Variants in CYP51A1 observed in about 807,000 individuals in gnomAD.
The protein encoded by CYP51A1 is cytochrome P450 family 51 subfamily A member 1, also known as lanosterol 14-alpha demethylase.
CYP51A1 carries 45 observed loss-of-function variants against 53.5 expected under a neutral mutation model. The ratio of observed to expected loss-of-function variants is 0.84; its 90% CI spans 0.66 to 1.08. CYP51A1 has a LOEUF of 1.08. Among genes scored for constraint, CYP51A1 ranks in the 50% least tolerant of loss-of-function variants. The pLI, the probability that CYP51A1 is intolerant of heterozygous loss-of-function variation, is 0.00. For missense variants in CYP51A1, 462 were observed against 621.7 expected, an observed-to-expected ratio of 0.74 and a Z score of 2.73; for synonymous variants, 181 against 217.7, an observed-to-expected ratio of 0.83 and a Z score of 1.48.
At chr7:92,118,057 T>C (rs1267169898) in intron 8 of CYP51A1, among the ~76,000 whole-genome samples, 1 of 152,066 alleles carries the variant, frequency 6.6e-6, no homozygotes, top group African/African-American at 2.4e-5. Context: ...TTAGAGTATA[T>C]AAAACTGAAG....
At chr7:92,123,607 G>A in intron 6 of CYP51A1, 127 bp downstream of exon 6, 1 of 899,642 alleles carries the variant, frequency 1.1e-6, no homozygotes. Flanking sequence ...AATTTAAAGA[G>A]TCCAAAGATC....
intron 7 of CYP51A1, among the ~76,000 whole-genome samples, chr7:92,119,893 G>A (rs1819654388): frequency 1.3e-5 from 2 of 151,858 alleles, no homozygotes; most frequent in African/African-American, 4.8e-5. Context: ...TAGTAAAATG[G>A]AGAATATCAA....
At chr7:92,129,791 A>T (rs1819881489) in intron 2 of CYP51A1, among the ~76,000 whole-genome samples, 1 of 152,192 alleles carries the variant, frequency 6.6e-6, no homozygotes, top group South Asian at 2.1e-4. Context: ...AAGGAAAGCA[A>T]CTCTGTGATG....
At chr7:92,131,093 C>T (rs891320363) in intron 2 of CYP51A1, among the ~76,000 whole-genome samples, 3 of 151,836 alleles carry the variant, frequency 2.0e-5, no homozygotes, top group Non-Finnish European at 4.4e-5. Flanking sequence ...GGACCCAAAG[C>T]GGAAAGAGGA....
rs372875744 is a variant in CYP51A1, at chr7:92,128,975, T to G, written c.373A>C (p.Asn125His). 3.3e-5 allele frequency: 53 copies of G among 1,613,648 alleles called. No homozygotes were observed. Among genetic ancestry groups the G allele is most frequent in the Non-Finnish European group, 4.4e-5 (52 of 1,179,908 alleles). The change falls in exon 3 of 10, where the codon AAT becomes CAT. Residue 125 changes from asparagine to histidine, a missense_variant. Physicochemically the swap from Asn to His is moderately conservative, Grantham distance 68. Transcript: ENST00000003100. ...GCATTCAGGTCTTCATTTTTACTAT[T>G]AAAAAGCAGTGCAGCAGCATCACTC... ...LGSDAAALLF[N>H]SKNEDLNAED...
At position 92,130,256 on chromosome 7, in the gene CYP51A1, TCTC is replaced by T. The variant is rs548747649; in HGVS notation, c.292-1203_292-1201del. The stretch of plus-strand genomic sequence containing the variant: ...TTGGTCCTATAGTCAGAGAACTTAG[TCTC>T]TCTGTGTTTCGTTTCTCTCACCTAT... On this transcript the variant is annotated intron_variant, in intron 2 of 9. Coordinates refer to ENST00000003100, the MANE Select transcript of CYP51A1 (RefSeq NM_000786.4). 2.1e-3 allele frequency among the ~76,000 whole-genome samples: 314 copies of T among 152,294 alleles called. 2 individuals carry two copies. Among genetic ancestry groups the T allele is most frequent in the Non-Finnish European group, 1.8e-3 (123 of 68,030 alleles).
At chr7:92,120,419 T>C (rs1819668169) in intron 7 of CYP51A1, among the ~76,000 whole-genome samples, 1 of 152,200 alleles carries the variant, frequency 6.6e-6, no homozygotes, top group Non-Finnish European at 1.5e-5. Flanking sequence ...AGTCCAGAAA[T>C]AAAGCCTTAA....
chr7:92,126,490 T>C, intron 4 of CYP51A1, 63 bp from the exon 5 acceptor site: 1 of 1,388,046 alleles, frequency 7.2e-7, no homozygotes, highest in African/African-American at 1.5e-5. Flanking sequence ...AATTGAGAAT[T>C]AAAAACAGAA....
intron 1 of CYP51A1, among the ~76,000 whole-genome samples, chr7:92,132,941 C>T (rs1819953899): frequency 6.6e-6 from 1 of 152,170 alleles, no homozygotes; most frequent in Non-Finnish European, 1.5e-5. Flanking sequence ...AGGAGCACCA[C>T]AACCTCACAG....
intron 7 of CYP51A1, among the ~76,000 whole-genome samples, chr7:92,119,104 C>G (rs1372415271): frequency 6.6e-6 from 1 of 152,124 alleles, no homozygotes; most frequent in African/African-American, 2.4e-5. Flanking sequence ...AGCCTAACAA[C>G]TATTAGAGGA....
chr7:92,118,787 A>G (rs535895053), intron 7 of CYP51A1, among the ~76,000 whole-genome samples, 172 bp from the exon 8 acceptor site: 25 of 152,268 alleles, frequency 1.6e-4, no homozygotes, highest in African/African-American at 5.8e-4. Context: ...CATGGTGAAA[A>G]AGGAGGGCAA....
intron 6 of CYP51A1, 137 bp from the exon 7 acceptor site, chr7:92,123,452 T>C (rs189964095): frequency 1.2e-6 from 1 of 840,390 alleles, no homozygotes. Flanking sequence ...AAGTCAAGAG[T>C]TTTTTTTCTC....
intron 8 of CYP51A1, 199 bp from the exon 9 acceptor site, chr7:92,117,411 T>A (rs1050673054): frequency 2.2e-6 from 1 of 456,078 alleles, no homozygotes; most frequent in Non-Finnish European, 3.8e-6. Context: ...CATCTGTACA[T>A]ATATTTAAAA....
Position 92,118,565 on chromosome 7 carries a change from A to G in CYP51A1, c.1137T>C (p.Leu379=), listed in dbSNP as rs372527790. The change falls in exon 8 of 10, where the codon CTT becomes CTC. Residue 379 remains leucine, a synonymous_variant. Coordinates refer to ENST00000003100, the MANE Select transcript of CYP51A1 (RefSeq NM_000786.4). The part of the protein sequence containing the change: ...LDRCIKETLR[L]RPPIMIMMRM... ...TCATCATGATCATTATAGGAGGTCT[A>G]AGTCTTAATGTTTCTTTTATACAGC... 8.7e-6 allele frequency: 14 copies of G among 1,601,400 alleles called. No homozygotes were observed. The East Asian group carries it at 2.9e-4, about 33-fold the overall frequency.
In CYP51A1 at chr7:92,123,307, C is replaced by T. The variant is rs768330653; in HGVS notation, c.899G>A (p.Arg300His). The T allele has an allele frequency of 3.0e-5, 48 of 1,612,222 alleles. No homozygotes were observed. Among genetic ancestry groups the T allele is most frequent in the Admixed American group, 1.5e-4 (9 of 59,802 alleles). ...TGCTACTTCATCATCAGTCAAAGGACGCCCATCCCTAAGGAATGAACCAAA... is the reference window on the plus strand; with the variant it reads ...TGCTACTTCATCATCAGTCAAAGGATGCCCATCCCTAAGGAATGAACCAAA... ...TLLDATYKDGRPLTDDEVAGM... is the reference protein window; with the variant it reads ...TLLDATYKDGHPLTDDEVAGM... The change falls in exon 7 of 10, where the codon CGT (arginine) becomes CAT (histidine). Residue 300 changes from arginine to histidine, a missense_variant. Physicochemically the swap from Arg to His is conservative, Grantham distance 29 (BLOSUM62 0). Transcript: ENST00000003100.
chr7:92,120,181 C>A (rs988794408), intron 7 of CYP51A1, among the ~76,000 whole-genome samples: 7 of 152,148 alleles, frequency 4.6e-5, no homozygotes, highest in Non-Finnish European at 1.0e-4. Flanking sequence ...TAAAATTGTG[C>A]TCCCAAATTA....
intron 7 of CYP51A1, among the ~76,000 whole-genome samples, chr7:92,122,866 A>C (rs1457043735): frequency 6.6e-6 from 1 of 152,250 alleles, no homozygotes; most frequent in East Asian, 1.9e-4. Flanking sequence ...ACTTTGAAGC[A>C]GAGGAAGTAA....
Position 92,123,145 on chromosome 7 carries a change from TTC to T in CYP51A1, c.1059_1060del (p.Asn354SerfsTer7). ...CTGGTCATAAGTTAAAGGAGGCAGA[TTC>T]TCTCCACAGACTGTTTTCTGTTCTA... On this transcript the variant is annotated frameshift_variant, in exon 7 of 10. Transcript: ENST00000003100. LOFTEE classifies it high-confidence loss of function. The T allele has an allele frequency of 6.2e-7, 1 of 1,613,482 alleles. No homozygotes were observed. The highest frequency in any genetic ancestry group is 8.5e-7 in the Non-Finnish European group (1 of 1,179,580).
chr7:92,132,658 T>C lies in CYP51A1; in HGVS notation c.193-786A>G, dbSNP rs148277329. 4.6e-5 allele frequency among the ~76,000 whole-genome samples: 7 copies of C among 152,330 alleles called. No individual in the cohort carries two copies. The East Asian group carries it at 1.3e-3, about 29-fold the overall frequency. ...GAAAAAGACAAGCAGTAACTTGTAG[T>C]ATAGAAAGAAGGGAAATGTTTAAGA... On this transcript the variant is annotated intron_variant, in intron 1 of 9. Coordinates refer to ENST00000003100, the MANE Select transcript of CYP51A1 (RefSeq NM_000786.4).
Sources: gnomAD v4.1 joint callset for allele counts (sites outside exome capture counted in the v4.1 genomes callset) on GRCh38, gnomAD v4.1.1 for gene constraint, MANE v1.5 for transcripts, NCBI Gene and HGNC (gene_info 2026-07-23, HGNC 2026-07-21) for gene names.